CNTN5: variants seen among roughly 807,000 people sequenced by gnomAD.
The protein encoded by CNTN5 is contactin-5.
CNTN5 carries 77 observed loss-of-function variants against 129.1 expected under a neutral mutation model. That is an observed-to-expected ratio of 0.60 (90% CI 0.50 to 0.72). The LOEUF (loss-of-function observed/expected upper bound fraction) is 0.72. Among genes scored for constraint, CNTN5 ranks in the 30% least tolerant of loss-of-function variants. The pLI is 0.00. For synonymous variants in CNTN5, 509 were observed against 465.6 expected (o/e 1.09, Z -1.20); for missense variants, 1,478 against 1,328.8 (o/e 1.11, Z -1.75).
chr11:100,256,089 C>A (rs1435414961), intron 17 of CNTN5, among the ~76,000 whole-genome samples, 171 bp downstream of exon 17: 9 of 152,100 alleles, frequency 5.9e-5, no homozygotes, highest in Non-Finnish European at 1.2e-4. Flanking sequence ...GAGCAAGGTA[C>A]CTTGCTTTCC....
intron 2 of CNTN5, among the ~76,000 whole-genome samples, chr11:99,397,488 C>T (rs1216778859): frequency 1.3e-5 from 2 of 151,734 alleles, no homozygotes; most frequent in Admixed American, 6.6e-5. Context: ...TTCTTTTGTA[C>T]AGATTTTTTT....
At chr11:99,904,417 T>G (rs1949441120) in intron 6 of CNTN5, among the ~76,000 whole-genome samples, 1 of 152,146 alleles carries the variant, frequency 6.6e-6, no homozygotes, top group African/African-American at 2.4e-5. Flanking sequence ...CTGTGTTAGT[T>G]TGCTGAGAGT....
intron 2 of CNTN5, among the ~76,000 whole-genome samples, chr11:99,360,938 C>T (rs1161947798): frequency 2.0e-5 from 3 of 152,074 alleles, no homozygotes; most frequent in South Asian, 2.1e-4. Context: ...AGAAGACATG[C>T]CCCATCTTCA....
chr11:99,694,220 C>T (rs1344338712), intron 3 of CNTN5, among the ~76,000 whole-genome samples: 2 of 152,142 alleles, frequency 1.3e-5, no homozygotes, highest in African/African-American at 2.4e-5. Flanking sequence ...TGCTATACTT[C>T]AGGGCTGTGC....
intron 4 of CNTN5, among the ~76,000 whole-genome samples, chr11:99,839,685 G>A (rs1947416903): frequency 6.6e-6 from 1 of 151,962 alleles, no homozygotes; most frequent in Non-Finnish European, 1.5e-5. Flanking sequence ...TAAGATAATA[G>A]AATATGATAT....
chr11:100,068,011 CTGTT>C (rs1943762073), intron 10 of CNTN5, among the ~76,000 whole-genome samples: 3 of 152,094 alleles, frequency 2.0e-5, no homozygotes, highest in South Asian at 2.1e-4. Flanking sequence ...AATATTTTAA[CTGTT>C]CTTTCTTTCC....
At chr11:99,039,091 A>G (rs1452889524) in intron 1 of CNTN5, among the ~76,000 whole-genome samples, 1 of 152,156 alleles carries the variant, frequency 6.6e-6, no homozygotes, top group Non-Finnish European at 1.5e-5. Flanking sequence ...TTAATATTAA[A>G]CGATTGAAAA....
intron 1 of CNTN5, among the ~76,000 whole-genome samples, chr11:99,162,625 G>C (rs1860671050): frequency 6.6e-6 from 1 of 152,090 alleles, no homozygotes; most frequent in Non-Finnish European, 1.5e-5. Flanking sequence ...GATATTAACA[G>C]ACACTATTTT....
At chr11:99,811,099 T>G (rs1946415605) in intron 3 of CNTN5, among the ~76,000 whole-genome samples, 1 of 152,130 alleles carries the variant, frequency 6.6e-6, no homozygotes, top group African/African-American at 2.4e-5. Flanking sequence ...ATCTGTCATT[T>G]CATGACTTGT....
At chr11:99,376,814 A>C (rs972662658) in intron 2 of CNTN5, among the ~76,000 whole-genome samples, 2 of 152,220 alleles carry the variant, frequency 1.3e-5, no homozygotes, top group Non-Finnish European at 2.9e-5. Context: ...TACATTTCCA[A>C]ATCAGAACAG....
At chr11:99,844,593 T>A (rs180812725) in intron 4 of CNTN5, 1 of 432,690 alleles carries the variant, frequency 2.3e-6, no homozygotes. Context: ...AAGATATATA[T>A]TTAAAATATA....
chr11:99,126,184 G>A (rs539963030), intron 1 of CNTN5, among the ~76,000 whole-genome samples: 6 of 152,186 alleles, frequency 3.9e-5, no homozygotes, highest in South Asian at 4.1e-4. Flanking sequence ...AATGTCCACC[G>A]CAGCTCAATA....
At chr11:99,328,870 CAAAA>C (rs10542347) in intron 2 of CNTN5, among the ~76,000 whole-genome samples, 3 of 87,646 alleles carry the variant, frequency 3.4e-5, no homozygotes, top group Admixed American at 1.3e-4. Context: ...AACTCCATCT[CAAAA>C]AAAAAAAAAA....
intron 1 of CNTN5, among the ~76,000 whole-genome samples, chr11:99,037,991 A>T (rs1863826737): frequency 1.3e-5 from 2 of 152,102 alleles, no homozygotes; most frequent in Non-Finnish European, 2.9e-5. Flanking sequence ...TATTTAATTA[A>T]TTTTTTATTA....
chr11:99,964,340 C>A (rs1032716735), intron 8 of CNTN5, among the ~76,000 whole-genome samples: 4 of 152,094 alleles, frequency 2.6e-5, no homozygotes, highest in African/African-American at 7.2e-5. Flanking sequence ...CCATCAATAC[C>A]TAATTTATTG....
intron 2 of CNTN5, among the ~76,000 whole-genome samples, chr11:99,475,740 T>A (rs138135147): frequency 5.3e-4 from 81 of 152,240 alleles, no homozygotes; most frequent in African/African-American, 1.7e-3. Context: ...AGTTTCTAAT[T>A]CTAATAATTT....
chr11:99,924,108 C>G (rs4331054), intron 7 of CNTN5, among the ~76,000 whole-genome samples: 31,322 of 152,106 alleles, frequency 0.21, 3,771 homozygotes, highest in Non-Finnish European at 0.26. Flanking sequence ...TTTTGTTTTA[C>G]TTTTTATTAA....
Position 100,232,505 on chromosome 11 carries a change from A to C in CNTN5, c.2005+7693A>C, listed in dbSNP as rs17094664. ...AATAACCAAATTATGGTAGATGGAG[A>C]GATGCAAGCAATTATGTGTGAAAGG... On this transcript the variant is annotated intron_variant, in intron 16 of 24. Transcript: ENST00000524871. 5.0e-3 allele frequency among the ~76,000 whole-genome samples: 760 copies of C among 152,320 alleles called. 3 individuals are homozygous for C. Among genetic ancestry groups the C allele is most frequent in the African/African-American group, 0.017 (707 of 41,580 alleles).
At chr11:99,218,359 C>T (rs898775) in intron 1 of CNTN5, among the ~76,000 whole-genome samples, 110,980 of 151,886 alleles carry the variant, frequency 0.73, 40,883 homozygotes, top group East Asian at 0.99. Context: ...CATCTATATA[C>T]CAACCCTCTA....
Sources: allele counts gnomAD v4.1 joint callset (sites outside exome capture counted in the v4.1 genomes callset), GRCh38; gene constraint gnomAD v4.1.1; transcripts MANE v1.5; gene names NCBI Gene and HGNC (gene_info 2026-07-23, HGNC 2026-07-21).